Variants in NDE1 observed in about 807,000 individuals in gnomAD.
The protein encoded by NDE1 is nudE neurodevelopment protein 1, also known as nuclear distribution protein nudE homolog 1.
NDE1 carries 28 observed loss-of-function variants against 43.4 expected under a neutral mutation model. That is an observed-to-expected ratio of 0.65 (90% CI 0.48 to 0.89). The LOEUF (loss-of-function observed/expected upper bound fraction) is 0.89. Ranked by LOEUF, NDE1 falls within the 40% of genes least tolerant of loss-of-function variation. The probability of loss-of-function intolerance (pLI) is 0.00; values close to 1 mark genes in which losing one functional copy is unlikely to be tolerated. For missense variants in NDE1, 441 were observed against 434.1 expected (o/e 1.02, Z -0.14); for synonymous variants, 184 against 172.0 (o/e 1.07, Z -0.55).
intron 8 of NDE1, chr16:15,717,031 G>C: frequency 1.7e-6 from 2 of 1,184,686 alleles, no homozygotes; most frequent in Non-Finnish European, 2.5e-6. Context: ...CACAGAGCTT[G>C]CTTCTTACAA....
upstream of NDE1, among the ~76,000 whole-genome samples, chr16:15,647,868 C>CA (rs374332700): frequency 0.011 from 1,605 of 151,758 alleles, 36 homozygotes; most frequent in African/African-American, 0.036. Flanking sequence ...CACGTCTCTA[C>CA]AAAAAAATGT....
intron 8 of NDE1, among the ~76,000 whole-genome samples, chr16:15,700,825 C>T (rs1166931776): frequency 1.3e-5 from 2 of 152,148 alleles, no homozygotes; most frequent in Non-Finnish European, 2.9e-5. Context: ...CTCAGAGGCT[C>T]TTCCCCCCAA....
chr16:15,724,701 C>G lies in NDE1; in HGVS notation c.*450C>G, dbSNP rs760669243. 2 of 1,614,194 alleles carry G rather than the reference C, an allele frequency of 1.2e-6. No individual in the cohort carries two copies. Among genetic ancestry groups the G allele is most frequent in the Non-Finnish European group, 1.7e-6 (2 of 1,180,030 alleles). On this transcript the variant is annotated 3_prime_UTR_variant, in exon 9 of 9. Coordinates refer to ENST00000396354, the MANE Select transcript of NDE1 (RefSeq NM_017668.3). ...CCAGGTTCTGCTTGGCCTCCATCTC[C>G]TCGTCCAGCTGGTCTTGCAGGCTGT... is the stretch of plus-strand genomic sequence containing the variant.
chr16:15,662,530 G>T (rs1051471258), intron 1 of NDE1, among the ~76,000 whole-genome samples: 6 of 151,920 alleles, frequency 3.9e-5, no homozygotes, highest in African/African-American at 1.5e-4. Context: ...TGATCCGCCT[G>T]CCTCGGCCTC....
intron 6 of NDE1, among the ~76,000 whole-genome samples, chr16:15,692,231 G>A (rs1047424538): frequency 6.6e-6 from 1 of 152,220 alleles, no homozygotes; most frequent in Non-Finnish European, 1.5e-5. Context: ...GTCCCCGTTT[G>A]ATGAAAGTGA....
intron 1 of NDE1, among the ~76,000 whole-genome samples, chr16:15,656,012 G>C (rs1458428399): frequency 6.7e-6 from 1 of 149,690 alleles, no homozygotes; most frequent in East Asian, 2.0e-4. Flanking sequence ...ATAGCATTGG[G>C]AGATATACCT....
intron 5 of NDE1, among the ~76,000 whole-genome samples, chr16:15,687,847 C>G (rs1428802466): frequency 6.6e-6 from 1 of 152,218 alleles, no homozygotes; most frequent in Non-Finnish European, 1.5e-5. Context: ...CTGTAATTCA[C>G]AAACACAGCA....
In NDE1 at chr16:15,717,307, C is replaced by T. The variant is rs906883862; in HGVS notation, c.948-6884C>T. 6 of 1,612,150 alleles carry T rather than the reference C, an allele frequency of 3.7e-6. No homozygotes were observed. Among genetic ancestry groups the T allele is most frequent in the African/African-American group, 2.7e-5 (2 of 75,064 alleles). On this transcript the variant is annotated intron_variant, in intron 8 of 8. Coordinates refer to ENST00000396354, the MANE Select transcript of NDE1 (RefSeq NM_017668.3). Reference sequence around the variant, plus strand: ...GCCGGGCACTCTCATTCTTCTGGGCCGTGCTGCGCTCTGTGGCCAGCTCGT... The same window carrying T: ...GCCGGGCACTCTCATTCTTCTGGGCTGTGCTGCGCTCTGTGGCCAGCTCGT...
intron 7 of NDE1, 69 bp from the exon 8 acceptor site, chr16:15,696,640 G>C: frequency 1.2e-6 from 2 of 1,612,550 alleles, no homozygotes; most frequent in Non-Finnish European, 1.7e-6. Flanking sequence ...TCGTTCTTCT[G>C]TACAGGCTCT....
At chr16:15,708,543 G>C (rs1239312170) in intron 8 of NDE1, among the ~76,000 whole-genome samples, 1 of 152,214 alleles carries the variant, frequency 6.6e-6, no homozygotes, top group Non-Finnish European at 1.5e-5. Flanking sequence ...GCAGTGATAA[G>C]GGCGCACACT....
intron 8 of NDE1, chr16:15,718,582 G>C: frequency 5.6e-6 from 7 of 1,251,692 alleles, no homozygotes; most frequent in South Asian, 4.6e-5. Flanking sequence ...AGACTCATCT[G>C]TAGTTACACA....
chr16:15,708,737 G>A, intron 8 of NDE1: 1 of 1,514,316 alleles, frequency 6.6e-7, no homozygotes, highest in Non-Finnish European at 9.0e-7. Flanking sequence ...GGGCAGAGGG[G>A]CGCATTGGGC....
chr16:15,647,395 G>T (rs375452606), upstream of NDE1, among the ~76,000 whole-genome samples: 1 of 152,178 alleles, frequency 6.6e-6, no homozygotes, highest in Non-Finnish European at 1.5e-5. Context: ...ATTACTAGTT[G>T]TAAGACCTCG....
chr16:15,720,291 G>C lies in NDE1; in HGVS notation c.948-3900G>C. 1 of 1,614,102 alleles carries C rather than the reference G, an allele frequency of 6.2e-7. No homozygotes were observed. The highest frequency in any genetic ancestry group is 8.5e-7 in the Non-Finnish European group (1 of 1,180,000). On this transcript the variant is annotated intron_variant, in intron 8 of 8. Coordinates refer to ENST00000396354, the MANE Select transcript of NDE1 (RefSeq NM_017668.3). ...GCACGTTGCTTTCGCTCGTCTTCCA[G>C]TTCCGTCTCATACTCGTGAAGCTGG...
At chr16:15,659,423 A>G (rs2036931855) in intron 1 of NDE1, among the ~76,000 whole-genome samples, 1 of 105,676 alleles carries the variant, frequency 9.5e-6, no homozygotes, top group Admixed American at 1.1e-4. Context: ...CTTGCACACA[A>G]TCTTTTTTTT....
At chr16:15,709,379 A>C (rs566925727) in intron 8 of NDE1, among the ~76,000 whole-genome samples, 12 of 151,556 alleles carry the variant, frequency 7.9e-5, no homozygotes, top group African/African-American at 1.9e-4. Context: ...GGCATGATCT[A>C]TCTCTGCTCA....
At chr16:15,648,638 C>T (rs1240722204), upstream of NDE1, among the ~76,000 whole-genome samples, 1 of 151,840 alleles carries the variant, frequency 6.6e-6, no homozygotes, top group Non-Finnish European at 1.5e-5. Flanking sequence ...GAAACCGTGT[C>T]TCTACTAAAA....
At chr16:15,699,653 T>A in intron 8 of NDE1, 2 of 1,297,016 alleles carry the variant, frequency 1.5e-6, no homozygotes, top group African/African-American at 1.5e-5. Context: ...TTCACCCTTA[T>A]AACTCTCTGG....
intron 3 of NDE1, among the ~76,000 whole-genome samples, chr16:15,672,122 A>G (rs1433190722): frequency 6.6e-6 from 1 of 152,032 alleles, no homozygotes; most frequent in Non-Finnish European, 1.5e-5. Context: ...AGAATTACTC[A>G]GTAATTCTCT....
Sources: allele counts gnomAD v4.1 joint callset (sites outside exome capture counted in the v4.1 genomes callset), GRCh38; gene constraint gnomAD v4.1.1; transcripts MANE v1.5; gene names NCBI Gene and HGNC (gene_info 2026-07-23, HGNC 2026-07-21).